LRP1B: variants seen among roughly 807,000 people sequenced by gnomAD.
The protein encoded by LRP1B is LDL receptor related protein 1B.
LRP1B carries 217 observed loss-of-function variants against 556.6 expected under a neutral mutation model. The observed-to-expected ratio is 0.39, with a 90% CI of 0.35 to 0.44. The LOEUF is 0.44. LRP1B is among the 20% of genes least tolerant of loss of function. The pLI is 1.00. For missense variants in LRP1B, 5,053 were observed against 5,620.8 expected (o/e 0.90, Z 3.23); for synonymous variants, 2,047 against 1,865.8 (o/e 1.10, Z -2.50).
chr2:141,798,581 C>A (rs1001994203), intron 2 of LRP1B, among the ~76,000 whole-genome samples: 2 of 151,514 alleles, frequency 1.3e-5, no homozygotes, highest in Admixed American at 1.3e-4. Context: ...GTGGTGGGTG[C>A]CTGTAGTCCC....
chr2:140,322,038 GATTTA>G lies in LRP1B; in HGVS notation c.12560_12564del (p.Leu4187ProfsTer16). The G allele has an allele frequency of 6.2e-7, 1 of 1,613,002 alleles. No homozygotes were observed. Among genetic ancestry groups the G allele is most frequent in the East Asian group, 2.2e-5 (1 of 44,756 alleles). On this transcript the variant is annotated frameshift_variant, in exon 82 of 91. Transcript: ENST00000389484. LOFTEE classifies it high-confidence loss of function. ...GGACACACACAAGTGGCCCCAGAAGGATTTAGCAAGCAAAGAAATTCGCATGCTAA... is the reference window on the plus strand; with the variant it reads ...GGACACACACAAGTGGCCCCAGAAGGGCAAGCAAAGAAATTCGCATGCTAA...
chr2:140,638,062 T>A (rs1341120895), intron 41 of LRP1B, among the ~76,000 whole-genome samples: 1 of 152,210 alleles, frequency 6.6e-6, no homozygotes, highest in South Asian at 2.1e-4. Context: ...TAAAAACGTT[T>A]GTTACACATT....
At chr2:140,641,102 G>T (rs1008970976) in intron 41 of LRP1B, among the ~76,000 whole-genome samples, 1 of 152,138 alleles carries the variant, frequency 6.6e-6, no homozygotes, top group African/African-American at 2.4e-5. Flanking sequence ...ATTATAATTT[G>T]TCATCTATGG....
At chr2:140,950,941 G>C (rs962115255) in intron 19 of LRP1B, among the ~76,000 whole-genome samples, 4 of 150,858 alleles carry the variant, frequency 2.7e-5, no homozygotes, top group African/African-American at 7.3e-5. Flanking sequence ...AATATCAACT[G>C]CTAAACTGAG....
At position 142,047,624 on chromosome 2, in the gene LRP1B, T is replaced by C. The variant is rs1160754238; in HGVS notation, c.82+83024A>G. On this transcript the variant is annotated intron_variant, in intron 1 of 90. Transcript: ENST00000389484. Reference sequence around the variant, plus strand: ...TCACAAACTATTTCCTATGTCTTTCTGGGCAGAAAGCTCCACTGCATCTCG... The same window carrying C: ...TCACAAACTATTTCCTATGTCTTTCCGGGCAGAAAGCTCCACTGCATCTCG... 1.1e-4 allele frequency among the ~76,000 whole-genome samples: 16 copies of C among 152,128 alleles called. 1 individual carries two copies. The Middle Eastern group carries it at 0.01, about 97-fold the overall frequency.
chr2:141,083,798 G>A (rs1224862571), intron 7 of LRP1B, among the ~76,000 whole-genome samples: 1 of 152,094 alleles, frequency 6.6e-6, no homozygotes, highest in African/African-American at 2.4e-5. Flanking sequence ...ACTCTGCAGC[G>A]AGTCCTCATT....
intron 4 of LRP1B, among the ~76,000 whole-genome samples, 199 bp from the exon 5 acceptor site, chr2:141,247,553 A>C (rs1684112925): frequency 6.6e-6 from 1 of 152,190 alleles, no homozygotes; most frequent in Admixed American, 6.5e-5. Flanking sequence ...ACATCAAACA[A>C]TATCAAATCA....
intron 19 of LRP1B, among the ~76,000 whole-genome samples, chr2:140,950,614 A>G (rs1695685554): frequency 6.6e-6 from 1 of 151,996 alleles, no homozygotes; most frequent in African/African-American, 2.4e-5. Context: ...CCTCCCAAGT[A>G]AGTGGGACCA....
At chr2:141,312,951 G>T (rs955124313) in intron 3 of LRP1B, among the ~76,000 whole-genome samples, 7 of 152,076 alleles carry the variant, frequency 4.6e-5, no homozygotes, top group Non-Finnish European at 7.4e-5. Context: ...AAAGTGCTGG[G>T]ATTATAGGCA....
intron 1 of LRP1B, among the ~76,000 whole-genome samples, chr2:141,941,596 C>T (rs1388082248): frequency 6.6e-6 from 1 of 152,162 alleles, no homozygotes; most frequent in African/African-American, 2.4e-5. Context: ...AAGGAAGATG[C>T]ATTCCAGGCC....
At chr2:141,506,627 G>A (rs939757706) in intron 2 of LRP1B, among the ~76,000 whole-genome samples, 1 of 152,056 alleles carries the variant, frequency 6.6e-6, no homozygotes, top group Middle Eastern at 3.4e-3. Flanking sequence ...AATCTAGCCA[G>A]ACAATTTTTA....
intron 55 of LRP1B, among the ~76,000 whole-genome samples, chr2:140,499,328 G>T (rs577437361): frequency 6.6e-6 from 1 of 151,602 alleles, no homozygotes; most frequent in African/African-American, 2.4e-5. Context: ...TATTCTATAG[G>T]TTTTATAATT....
Position 141,359,780 on chromosome 2 carries a change from GCCCCC to G in LRP1B, c.344-105144_344-105140del, listed in dbSNP as rs1434868304. 2.7e-3 allele frequency among the ~76,000 whole-genome samples: 47 copies of G among 17,530 alleles called. 1 individual carries two copies. Among genetic ancestry groups the G allele is most frequent in the Admixed American group, 0.014 (37 of 2,568 alleles). 11.5% of individuals were successfully genotyped at this position (17,530 alleles called of 152,430 possible). A position where few individuals can be genotyped will look rare whatever the true frequency, so the allele number is the denominator to read the frequency against. On this transcript the variant is annotated intron_variant, in intron 3 of 90. Coordinates refer to ENST00000389484, the MANE Select transcript of LRP1B (RefSeq NM_018557.3). ...CCCGCGCCCCGCCCCGCCCCGCCCC[GCCCCC>G]CAAAAAGTACATAACTTAAATATAT...
Position 141,194,961 on chromosome 2 carries a change from A to T in LRP1B, c.851-6378T>A, listed in dbSNP as rs113098790. Among the ~76,000 whole-genome samples, 1,493 of 152,248 alleles carry T rather than the reference A, an allele frequency of 9.8e-3. 15 individuals are homozygous for T. Among genetic ancestry groups the T allele is most frequent in the Non-Finnish European group, 0.015 (1,030 of 67,994 alleles). Reference sequence around the variant, plus strand: ...CTAGAGAATATTTTAGTACCAAAACAATAAATTAATAAGATATACAGTAGT... The same window carrying T: ...CTAGAGAATATTTTAGTACCAAAACTATAAATTAATAAGATATACAGTAGT... On this transcript the variant is annotated intron_variant, in intron 6 of 90. Transcript: ENST00000389484.
At chr2:140,713,742 T>C (rs954578187) in intron 37 of LRP1B, among the ~76,000 whole-genome samples, 3 of 152,118 alleles carry the variant, frequency 2.0e-5, no homozygotes, top group Admixed American at 6.6e-5. Context: ...CCTACACTCT[T>C]GCTGATGGCT....
intron 1 of LRP1B, among the ~76,000 whole-genome samples, chr2:141,937,236 G>A (rs1344628769): frequency 6.6e-6 from 1 of 151,828 alleles, no homozygotes; most frequent in African/African-American, 2.4e-5. Flanking sequence ...AATTAGCCGG[G>A]TGTGGTGGTG....
chr2:140,829,664 CA>C (rs1691647385), intron 31 of LRP1B, among the ~76,000 whole-genome samples: 1 of 151,878 alleles, frequency 6.6e-6, no homozygotes, highest in Non-Finnish European at 1.5e-5. Context: ...ACACCTACAT[CA>C]AAAAGTTAAA....
chr2:141,124,278 A>T (rs1701141812), intron 7 of LRP1B, among the ~76,000 whole-genome samples: 1 of 152,178 alleles, frequency 6.6e-6, no homozygotes, highest in African/African-American at 2.4e-5. Context: ...AACAGAGTTT[A>T]AAAATGACTT....
At chr2:141,191,024 T>A (rs1681479778) in intron 6 of LRP1B, among the ~76,000 whole-genome samples, 1 of 152,032 alleles carries the variant, frequency 6.6e-6, no homozygotes, top group Admixed American at 6.6e-5. Context: ...AGAAACATCC[T>A]TATTTCCAAA....
Sources: gnomAD v4.1 joint callset for allele counts (sites outside exome capture counted in the v4.1 genomes callset) on GRCh38, gnomAD v4.1.1 for gene constraint, MANE v1.5 for transcripts, NCBI Gene and HGNC (gene_info 2026-07-23, HGNC 2026-07-21) for gene names.